Variants in RTCB observed in about 807,000 individuals in gnomAD.
RTCB encodes RNA-splicing ligase RTCB.
Under a neutral mutation model 58.2 loss-of-function variants are expected in RTCB, and 32 were observed. The ratio of observed to expected loss-of-function variants is 0.55; its 90% CI spans 0.41 to 0.74. RTCB has a LOEUF of 0.74. RTCB is among the 30% of genes least tolerant of loss of function. RTCB has a pLI of 0.00. For synonymous variants in RTCB, 247 were observed against 218.6 expected, an observed-to-expected ratio of 1.13 and a Z score of -1.15; for missense variants, 523 against 639.0, an observed-to-expected ratio of 0.82 and a Z score of 1.96.
chr22:32,403,254 A>G (rs1933367079), intron 4 of RTCB, among the ~76,000 whole-genome samples: 1 of 152,064 alleles, frequency 6.6e-6, no homozygotes, highest in Admixed American at 6.6e-5. Context: ...AAAATACAAA[A>G]AAATTAGCGG....
chr22:32,395,662 A>C (rs1467585557), intron 8 of RTCB, among the ~76,000 whole-genome samples: 3 of 152,194 alleles, frequency 2.0e-5, no homozygotes, highest in Non-Finnish European at 4.4e-5. Context: ...GAATTTCCAA[A>C]ACCAAACACC....
intron 6 of RTCB, among the ~76,000 whole-genome samples, chr22:32,399,302 A>T (rs1028489862): frequency 6.7e-6 from 1 of 150,352 alleles, no homozygotes; most frequent in African/African-American, 2.4e-5. Context: ...ATGCCTGGCT[A>T]ATTTTTTTTT....
rs750533356 is a variant in RTCB, at chr22:32,388,069, C to G, written c.1441G>C (p.Val481Leu). ...CCAGCATCATGGCAGGTATTTACCA[C>G]ATCTGTCACATTCTTATAGGACTCA... is the stretch of plus-strand genomic sequence containing the variant. ...APESYKNVTD[V>L]VNTCHDAGIS... Residue 481 changes from valine (V) to leucine (L), a missense_variant, in exon 12 of 12, where the codon GTG becomes CTG. By Grantham distance (32) the Val-to-Leu change is conservative (BLOSUM62 1). Transcript: ENST00000216038. The G allele has an allele frequency of 1.9e-6, 3 of 1,613,686 alleles. No homozygotes were observed. The highest frequency in any genetic ancestry group is 2.5e-6 in the Non-Finnish European group (3 of 1,179,604).
At position 32,406,757 on chromosome 22, in the gene RTCB, G is replaced by A. The variant is rs756011780; in HGVS notation, c.245C>T (p.Ser82Phe). 3 of 1,608,778 alleles carry A rather than the reference G, an allele frequency of 1.9e-6. No individual in the cohort carries two copies. Among genetic ancestry groups the A allele is most frequent in the Admixed American group, 3.3e-5 (2 of 59,936 alleles). Residue 82 changes from serine to phenylalanine, a missense_variant, in exon 4 of 12, where the codon TCT becomes TTT. Ser to Phe is a radical substitution (Grantham distance 155). Coordinates refer to ENST00000216038, the MANE Select transcript of RTCB (RefSeq NM_014306.5). Reference sequence around the variant, plus strand: ...TGAATGGACATCAGGAAGCCCAATAGATCGCTGAAAAAGAATTAGAAAATG... The same window carrying A: ...TGAATGGACATCAGGAAGCCCAATAAATCGCTGAAAAAGAATTAGAAAATG... ...VAALPGIVHR[S>F]IGLPDVHSGY...
At chr22:32,410,741 A>ATTTTTTT (rs1933506549) in intron 1 of RTCB, among the ~76,000 whole-genome samples, 1 of 131,580 alleles carries the variant, frequency 7.6e-6, no homozygotes. Context: ...TTTTTTTGAG[A>ATTTTTTT]CTCACTCTGT....
Position 32,395,030 on chromosome 22 carries a change from T to C in RTCB, c.1175A>G (p.Tyr392Cys), listed in dbSNP as rs764721215. The C allele has an allele frequency of 6.2e-7, 1 of 1,612,932 alleles. No individual in the cohort carries two copies. Among genetic ancestry groups the C allele is most frequent in the Non-Finnish European group, 8.5e-7 (1 of 1,179,042 alleles). ...TACAAACGTAGAGCTACGTACTTGG[T>C]AATCAACAGCAATGAGGGGATGGTG... ...PPHHPLIAVD[Y>C]QLTGQPVLIG... Residue 392 changes from tyrosine to cysteine, a missense_variant, in exon 9 of 12, where the codon TAC (tyrosine) becomes TGC (cysteine). Physicochemically the swap from Tyr to Cys is radical, Grantham distance 194 (BLOSUM62 -2). Transcript: ENST00000216038.
intron 5 of RTCB, chr22:32,399,993 A>G (rs996004485): frequency 2.7e-5 from 10 of 371,424 alleles, no homozygotes; most frequent in Admixed American, 4.3e-5. Flanking sequence ...TTATAGTTCT[A>G]CTTGACATTT....
intron 1 of RTCB, among the ~76,000 whole-genome samples, chr22:32,411,378 A>T (rs1601433662): frequency 6.6e-6 from 1 of 152,206 alleles, no homozygotes; most frequent in East Asian, 1.9e-4. Flanking sequence ...AGGCTTTCAA[A>T]CTATCTGATG....
At chr22:32,395,296 A>T in intron 8 of RTCB, 82 bp from the exon 9 acceptor site, 1 of 1,223,696 alleles carries the variant, frequency 8.2e-7, no homozygotes, top group Admixed American at 2.0e-5. Context: ...CACTGGTTTC[A>T]GGTAGTCTGT....
chr22:32,408,721 C>T (rs373740173), intron 2 of RTCB, 34 bp downstream of exon 2: 40 of 1,486,728 alleles, frequency 2.7e-5, no homozygotes, highest in African/African-American at 1.4e-4. Context: ...AAGGCACTAC[C>T]GTACTAACAC....
intron 5 of RTCB, 93 bp downstream of exon 5, chr22:32,401,654 C>T: frequency 7.4e-7 from 1 of 1,353,756 alleles, no homozygotes. Flanking sequence ...CTGAACAATC[C>T]TCATCTCTCA....
chr22:32,404,443 T>C (rs1024538371), intron 4 of RTCB, among the ~76,000 whole-genome samples: 1 of 152,178 alleles, frequency 6.6e-6, no homozygotes, highest in Admixed American at 6.5e-5. Flanking sequence ...TTTTTTGAGA[T>C]CATGCCAGAC....
intron 4 of RTCB, among the ~76,000 whole-genome samples, chr22:32,404,166 A>G (rs1315919679): frequency 6.6e-6 from 1 of 152,200 alleles, no homozygotes; most frequent in Non-Finnish European, 1.5e-5. Context: ...TTTCCTTTGG[A>G]TATACACCCA....
intron 2 of RTCB, among the ~76,000 whole-genome samples, chr22:32,408,481 A>G (rs1569443341): frequency 2.0e-5 from 3 of 152,242 alleles, no homozygotes; most frequent in Non-Finnish European, 4.4e-5. Flanking sequence ...TAGTAAGTGC[A>G]AAACAAATGG....
At chr22:32,392,444 T>C (rs531825093) in intron 10 of RTCB, 85 bp from the exon 11 acceptor site, 2 of 1,548,360 alleles carry the variant, frequency 1.3e-6, no homozygotes, top group East Asian at 2.3e-5. Flanking sequence ...AAAAAGGAGC[T>C]TAAAAAAACA....
intron 5 of RTCB, 55 bp downstream of exon 5, chr22:32,401,692 A>C: frequency 6.4e-7 from 1 of 1,572,310 alleles, no homozygotes; most frequent in Non-Finnish European, 8.7e-7. Context: ...AGGAAGCTGA[A>C]GGTCATGTGG....
chr22:32,404,678 AGTTT>A (rs554702178), intron 4 of RTCB, among the ~76,000 whole-genome samples: 11 of 150,686 alleles, frequency 7.3e-5, no homozygotes, highest in South Asian at 4.2e-4. Flanking sequence ...AAGTTTTTCT[AGTTT>A]GTTTGTTTGT....
chr22:32,408,635 T>A lies in RTCB; in HGVS notation c.172+120A>T, dbSNP rs966747412. The A allele has an allele frequency of 1.9e-5, 14 of 753,876 alleles. No homozygotes were observed. In the African/African-American group the frequency reaches 2.3e-4, roughly 12 times the overall value. The allele number at this position is 753,876 out of a possible 1,614,324, so 46.7% of individuals were successfully genotyped here. A position where few individuals can be genotyped will look rare whatever the true frequency, so the allele number is the denominator to read the frequency against. ...AATAAGTAAGTGCTTTTGGTCTTAC[T>A]TTTAAGTTGTAATCACTCCTTGACA... is the stretch of plus-strand genomic sequence containing the variant. On this transcript the variant is annotated intron_variant, in intron 2 of 11. Transcript: ENST00000216038.
At chr22:32,409,694 A>C (rs559866647) in intron 1 of RTCB, among the ~76,000 whole-genome samples, 34 of 152,358 alleles carry the variant, frequency 2.2e-4, no homozygotes, top group African/African-American at 8.2e-4. Context: ...ACATTTATTA[A>C]TTCACCAAAC....
Sources: gnomAD v4.1 joint callset for allele counts (sites outside exome capture counted in the v4.1 genomes callset) on GRCh38, gnomAD v4.1.1 for gene constraint, MANE v1.5 for transcripts, NCBI Gene and HGNC (gene_info 2026-07-23, HGNC 2026-07-21) for gene names.